The following GPHN variants were observed in gnomAD, a reference collection of about 807,000 sequenced individuals.
GPHN encodes gephyrin.
GPHN carries 17 observed loss-of-function variants against 95.5 expected under a neutral mutation model. That is an observed-to-expected ratio of 0.18 (90% CI 0.12 to 0.27). GPHN has a LOEUF of 0.27. Ranked by LOEUF, GPHN falls within the 10% of genes least tolerant of loss-of-function variation. The probability of loss-of-function intolerance (pLI) is 1.00; values close to 1 mark genes in which losing one functional copy is unlikely to be tolerated. For synonymous variants in GPHN, 320 were observed against 322.5 expected (o/e 0.99, Z 0.08); for missense variants, 660 against 978.1 (o/e 0.67, Z 4.34).
intron 21 of GPHN, among the ~76,000 whole-genome samples, chr14:67,174,891 G>A (rs1222320599): frequency 6.6e-6 from 1 of 152,176 alleles, no homozygotes; most frequent in Non-Finnish European, 1.5e-5. Flanking sequence ...TTTGAGAAGT[G>A]TCTGTTCATA....
intron 2 of GPHN, among the ~76,000 whole-genome samples, chr14:66,775,331 C>A (rs1293966312): frequency 6.6e-6 from 1 of 151,940 alleles, no homozygotes; most frequent in African/African-American, 2.4e-5. Flanking sequence ...CCTTGGTAAG[C>A]GCTGAATTAG....
the GPHN span, chr14:67,200,051 G>A: frequency 6.4e-6 from 6 of 931,636 alleles, no homozygotes; most frequent in East Asian, 2.6e-5. Context: ...GGCTCTGGGG[G>A]ACAGCCACCA....
chr14:66,953,039 A>T (rs887469647), intron 8 of GPHN, among the ~76,000 whole-genome samples: 1 of 150,414 alleles, frequency 6.6e-6, no homozygotes, highest in Non-Finnish European at 1.5e-5. Context: ...GTGAAATGGC[A>T]TCTCATTGTG....
chr14:66,876,475 A>G (rs991449669), intron 4 of GPHN, among the ~76,000 whole-genome samples: 2 of 152,182 alleles, frequency 1.3e-5, no homozygotes, highest in African/African-American at 4.8e-5. Flanking sequence ...TTTTTTGAAA[A>G]GATTAACAAA....
chr14:67,200,685 C>G, the GPHN span: 48,857 of 162,506 alleles, frequency 0.3, 11,635 homozygotes, highest in African/African-American at 0.65. Context: ...TAATGTTTTA[C>G]TGATGTCCCT....
chr14:66,512,685 T>C (rs2058084939), intron 1 of GPHN, among the ~76,000 whole-genome samples: 1 of 151,758 alleles, frequency 6.6e-6, no homozygotes, highest in African/African-American at 2.4e-5. Flanking sequence ...CATCAAAATA[T>C]TACAGTAACA....
the GPHN span, chr14:67,345,838 T>TC: frequency 1.2e-6 from 2 of 1,614,008 alleles, no homozygotes; most frequent in Non-Finnish European, 1.7e-6. Flanking sequence ...AGCCAACTGT[T>TC]CCCCACCTCT....
At chr14:66,805,176 G>A (rs572500610) in intron 3 of GPHN, among the ~76,000 whole-genome samples, 5 of 152,262 alleles carry the variant, frequency 3.3e-5, no homozygotes, top group South Asian at 2.1e-4. Flanking sequence ...CATGGATGGC[G>A]GCAGGCAAAG....
intron 2 of GPHN, among the ~76,000 whole-genome samples, chr14:66,730,187 A>T (rs926153000): frequency 2.0e-5 from 3 of 152,210 alleles, no homozygotes; most frequent in Non-Finnish European, 4.4e-5. Context: ...CTAGGAATTC[A>T]TCATAGGATT....
intron 1 of GPHN, among the ~76,000 whole-genome samples, chr14:66,628,092 T>C (rs2063590709): frequency 6.6e-6 from 1 of 151,956 alleles, no homozygotes; most frequent in African/African-American, 2.4e-5. Context: ...AATAATGCAG[T>C]GAGGGAGTGA....
chr14:67,126,267 C>T (rs909258794), intron 17 of GPHN, among the ~76,000 whole-genome samples: 1 of 152,154 alleles, frequency 6.6e-6, no homozygotes, highest in Non-Finnish European at 1.5e-5. Context: ...CAGCATTATA[C>T]TACTAGTTAG....
At chr14:67,658,568 G>A in the GPHN span, among the ~76,000 whole-genome samples, 5,574 of 152,284 alleles carry the variant, frequency 0.037, 143 homozygotes, top group Non-Finnish European at 0.058. Context: ...CTGCACTCCA[G>A]CCTGGGTGAC....
chr14:66,527,929 G>A (rs778217319), intron 1 of GPHN, among the ~76,000 whole-genome samples: 6 of 152,148 alleles, frequency 3.9e-5, no homozygotes, highest in Non-Finnish European at 7.4e-5. Context: ...GTCCTGAGAA[G>A]AATGTATATT....
intron 2 of GPHN, among the ~76,000 whole-genome samples, chr14:66,774,096 G>A (rs1299229898): frequency 4.2e-5 from 6 of 142,834 alleles, no homozygotes; most frequent in Admixed American, 3.0e-4. Flanking sequence ...TCCGCCTCCC[G>A]GGTTCATGCC....
intron 1 of GPHN, among the ~76,000 whole-genome samples, chr14:66,650,895 C>T (rs566360594): frequency 1.9e-4 from 29 of 152,298 alleles, no homozygotes; most frequent in African/African-American, 6.7e-4. Context: ...TGAGCCTACA[C>T]ACCCTGTTAT....
At chr14:66,845,495 T>TAAATTTTAAA (rs1323374167) in intron 4 of GPHN, among the ~76,000 whole-genome samples, 1 of 152,132 alleles carries the variant, frequency 6.6e-6, no homozygotes, top group Non-Finnish European at 1.5e-5. Flanking sequence ...TGAAGAAAGT[T>TAAATTTTAAA]AAATTTTAAA....
At chr14:66,767,457 A>T (rs1402652065) in intron 2 of GPHN, among the ~76,000 whole-genome samples, 1 of 150,596 alleles carries the variant, frequency 6.6e-6, no homozygotes, top group African/African-American at 2.5e-5. Flanking sequence ...AAAAAAAAAA[A>T]AGAAAAGAGG....
At chr14:66,837,104 A>G (rs1372110739) in intron 4 of GPHN, among the ~76,000 whole-genome samples, 1 of 151,424 alleles carries the variant, frequency 6.6e-6, no homozygotes, top group African/African-American at 2.4e-5. Flanking sequence ...GTATATACCC[A>G]AAGGATTATA....
intron 1 of GPHN, among the ~76,000 whole-genome samples, chr14:66,565,497 G>A (rs1343522242): frequency 1.3e-5 from 2 of 151,980 alleles, no homozygotes; most frequent in Non-Finnish European, 2.9e-5. Flanking sequence ...ACAGGGTCTC[G>A]CTTTGTTGCC....
Sources: gnomAD v4.1 joint callset for allele counts (sites outside exome capture counted in the v4.1 genomes callset) on GRCh38, gnomAD v4.1.1 for gene constraint, MANE v1.5 for transcripts, NCBI Gene and HGNC (gene_info 2026-07-23, HGNC 2026-07-21) for gene names.